Variants in FMO1 observed in about 807,000 individuals in gnomAD.
FMO1 encodes flavin-containing monooxygenase 1.
Under a neutral mutation model 45.4 loss-of-function variants are expected in FMO1, and 36 were observed. The ratio of observed to expected loss-of-function variants is 0.79; its 90% CI spans 0.61 to 1.05. The LOEUF is 1.05. FMO1 is among the 50% of genes least tolerant of loss of function. The pLI, the probability that FMO1 is intolerant of heterozygous loss-of-function variation, is 0.00. For synonymous variants in FMO1, 228 were observed against 227.2 expected (o/e 1.00, Z -0.03); for missense variants, 615 against 640.3 (o/e 0.96, Z 0.43).
intron 2 of FMO1, among the ~76,000 whole-genome samples, chr1:171,258,424 A>G (rs1318155556): frequency 6.6e-6 from 1 of 152,224 alleles, no homozygotes; most frequent in African/African-American, 2.4e-5. Flanking sequence ...AGACTTGTAC[A>G]CTTTATCTAG....
intron 1 of FMO1, among the ~76,000 whole-genome samples, chr1:171,250,268 A>G (rs1040111840): frequency 6.6e-6 from 1 of 152,210 alleles, no homozygotes; most frequent in Admixed American, 6.5e-5. Flanking sequence ...TTTTCATGCA[A>G]TACTTGCTTT....
intron 5 of FMO1, among the ~76,000 whole-genome samples, chr1:171,279,243 C>A (rs574156519): frequency 1.3e-5 from 2 of 152,110 alleles, no homozygotes; most frequent in East Asian, 1.9e-4. Context: ...ATTACCAACA[C>A]CCTCATCAGG....
rs147661123 is a variant in FMO1 at position 171,262,055 on chromosome 1, T to C, written c.132+3836T>C. On this transcript the variant is annotated intron_variant, in intron 2 of 8. Coordinates refer to ENST00000617670, the MANE Select transcript of FMO1 (RefSeq NM_001282693.2). ...GTTGACTATCGCCATTAAAAAGTGA[T>C]ACTTGAAACAAAATTTGAGGAATTA... Among the ~76,000 whole-genome samples the C allele has an allele frequency of 7.1e-3, 1,074 of 152,334 alleles. 12 individuals are homozygous for C. The highest frequency in any genetic ancestry group is 0.023 in the African/African-American group (968 of 41,584).
intron 4 of FMO1, among the ~76,000 whole-genome samples, chr1:171,276,962 A>T (rs1384277254): frequency 2.0e-5 from 3 of 152,168 alleles, no homozygotes; most frequent in African/African-American, 7.2e-5. Flanking sequence ...TCTAAGCCTC[A>T]AATTTACCCA....
At chr1:171,268,679 T>TCTCCCTC (rs776761770) in intron 3 of FMO1, among the ~76,000 whole-genome samples, 3 of 152,096 alleles carry the variant, frequency 2.0e-5, no homozygotes, top group Non-Finnish European at 4.4e-5. Flanking sequence ...CCTTCTCCTT[T>TCTCCCTC]CTCCCTCCCC....
Position 171,280,881 on chromosome 1 carries a change from C to T in FMO1, c.723C>T (p.Asn241=). The T allele has an allele frequency of 2.5e-6, 4 of 1,613,956 alleles. No homozygotes were observed. Among genetic ancestry groups the T allele is most frequent in the Non-Finnish European group, 3.4e-6 (4 of 1,179,848 alleles). ...WDMVFMTRFQ[N]MLRNSLPTPI... is the part of the protein sequence containing the mutation. ...TGGTGTTCATGACACGCTTTCAGAACATGTTGAGAAATTCCCTCCCAACCC... is the reference window on the plus strand; with the variant it reads ...TGGTGTTCATGACACGCTTTCAGAATATGTTGAGAAATTCCCTCCCAACCC... Residue 241 remains asparagine (N), a synonymous_variant, in exon 6 of 9, where the codon AAC becomes AAT. Transcript: ENST00000617670.
At position 171,281,985 on chromosome 1, in the gene FMO1, C is replaced by T; in HGVS notation, c.835C>T (p.Leu279=). The change falls in exon 7 of 9, where the codon CTG becomes TTG. Residue 279 remains leucine (L), a synonymous_variant. Coordinates refer to ENST00000617670, the MANE Select transcript of FMO1 (RefSeq NM_001282693.2). ...GTTCATGTTTTTGTTTAGGACTCAGCTGAAAGAGTTTGTGCTAAATGATGA... is the reference window on the plus strand; with the variant it reads ...GTTCATGTTTTTGTTTAGGACTCAGTTGAAAGAGTTTGTGCTAAATGATGA... The part of the protein sequence containing the change: ...YGLIPEDRTQ[L]KEFVLNDELP... The T allele has an allele frequency of 6.3e-7, 1 of 1,599,212 alleles. No individual in the cohort carries two copies. Among genetic ancestry groups the T allele is most frequent in the Non-Finnish European group, 8.5e-7 (1 of 1,172,578 alleles).
At chr1:171,284,189 A>G (rs961193917) in intron 8 of FMO1, among the ~76,000 whole-genome samples, 1 of 90,452 alleles carries the variant, frequency 1.1e-5, no homozygotes, top group Non-Finnish European at 2.0e-5. Flanking sequence ...AAAAAAAAAC[A>G]AAAAACAGCA....
At chr1:171,252,316 G>T (rs1278791292) in intron 1 of FMO1, among the ~76,000 whole-genome samples, 1 of 152,072 alleles carries the variant, frequency 6.6e-6, no homozygotes, top group East Asian at 1.9e-4. Flanking sequence ...TTCCCAGAGA[G>T]CCCCAGAGCT....
intron 3 of FMO1, among the ~76,000 whole-genome samples, chr1:171,274,085 ATT>A (rs943078595): frequency 2.0e-5 from 3 of 148,578 alleles, no homozygotes; most frequent in African/African-American, 7.4e-5. Flanking sequence ...GGAAGCGGAG[ATT>A]GCGGTGAGCC....
chr1:171,283,199 A>G lies in FMO1; in HGVS notation c.1239A>G (p.Lys413=). The stretch of plus-strand genomic sequence containing the variant: ...TGATAGAGGAAATTAATGCAAGGAA[A>G]GAAAACAAGCCCAGTTGGTAAGTTA... The part of the protein sequence containing the change: ...SVMIEEINAR[K]ENKPSWFGLC... Residue 413 remains lysine, a synonymous_variant, in exon 8 of 9, where the codon AAA becomes AAG. Coordinates refer to ENST00000617670, the MANE Select transcript of FMO1 (RefSeq NM_001282693.2). The G allele has an allele frequency of 2.6e-6, 4 of 1,559,658 alleles. No homozygotes were observed. Among genetic ancestry groups the G allele is most frequent in the South Asian group, 1.1e-5 (1 of 87,014 alleles).
chr1:171,275,610 T>A (rs1661076614), intron 4 of FMO1, 102 bp downstream of exon 4: 2 of 845,830 alleles, frequency 2.4e-6, no homozygotes, highest in Non-Finnish European at 3.6e-6. Context: ...ATTAAATAGT[T>A]AAAGTTGGGA....
intron 2 of FMO1, among the ~76,000 whole-genome samples, chr1:171,260,912 C>CAAA (rs71561566): frequency 0.13 from 7,204 of 53,474 alleles, 1,039 homozygotes; most frequent in African/African-American, 0.23. Flanking sequence ...GGCTCCATCT[C>CAAA]AAAAAAAAAA....
intron 2 of FMO1, among the ~76,000 whole-genome samples, chr1:171,260,912 C>CAAAAAAA (rs71561566): frequency 6.9e-4 from 37 of 53,634 alleles, no homozygotes; most frequent in South Asian, 1.1e-3. Context: ...GGCTCCATCT[C>CAAAAAAA]AAAAAAAAAA....
intron 5 of FMO1, among the ~76,000 whole-genome samples, chr1:171,279,596 C>G (rs1368032551): frequency 6.6e-6 from 1 of 152,114 alleles, no homozygotes; most frequent in Middle Eastern, 3.2e-3. Flanking sequence ...GGGTTTTGCC[C>G]TGCATTTTAT....
rs114325870 is a variant in FMO1 at position 171,260,029 on chromosome 1, G to A, written c.132+1810G>A. ...CTTCACTGAAGAGGTAGTGTGTGAT[G>A]GACTTTGAAAAATTTCAACAGGTAG... On this transcript the variant is annotated intron_variant, in intron 2 of 8. Coordinates refer to ENST00000617670, the MANE Select transcript of FMO1 (RefSeq NM_001282693.2). 1.1e-3 allele frequency among the ~76,000 whole-genome samples: 160 copies of A among 152,296 alleles called. 1 individual carries two copies. Among genetic ancestry groups the A allele is most frequent in the African/African-American group, 3.7e-3 (154 of 41,550 alleles).
intron 1 of FMO1, chr1:171,254,062 A>C (rs565140722): frequency 2.0e-5 from 3 of 152,058 alleles, no homozygotes; most frequent in Admixed American, 2.0e-4. Context: ...TTGACCTAGG[A>C]TATTAGCTTA....
At chr1:171,263,376 T>C (rs186969240) in intron 2 of FMO1, among the ~76,000 whole-genome samples, 19 of 152,338 alleles carry the variant, frequency 1.2e-4, no homozygotes, top group Admixed American at 9.1e-4. Context: ...GCTAAAAATG[T>C]AGAGCTTGAG....
intron 8 of FMO1, among the ~76,000 whole-genome samples, chr1:171,283,752 G>A (rs1050940620): frequency 6.6e-5 from 10 of 152,092 alleles, no homozygotes; most frequent in African/African-American, 2.4e-4. Flanking sequence ...CATATGAAAT[G>A]GAAACCATAC....
Sources: gnomAD v4.1 joint callset for allele counts (sites outside exome capture counted in the v4.1 genomes callset) on GRCh38, gnomAD v4.1.1 for gene constraint, MANE v1.5 for transcripts, NCBI Gene and HGNC (gene_info 2026-07-23, HGNC 2026-07-21) for gene names.